DNAH12: variants seen among roughly 807,000 people sequenced by gnomAD.
The protein encoded by DNAH12 is axonemal beta dynein heavy chain 12.
In DNAH12, 285 loss-of-function variants were observed where a neutral mutation model predicts 371.5. That is an observed-to-expected ratio of 0.77 (90% CI 0.70 to 0.85). DNAH12 has a LOEUF of 0.85. Ranked by LOEUF, DNAH12 falls within the 40% of genes least tolerant of loss-of-function variation. The pLI, the probability that DNAH12 is intolerant of heterozygous loss-of-function variation, is 0.00. For missense variants in DNAH12, 3,611 were observed against 3,689.4 expected (o/e 0.98, Z 0.55); for synonymous variants, 1,200 against 1,213.0 (o/e 0.99, Z 0.22).
intron 40 of DNAH12, among the ~76,000 whole-genome samples, chr3:57,406,872 T>A (rs146669033): frequency 1.3e-5 from 2 of 152,170 alleles, no homozygotes; most frequent in Non-Finnish European, 2.9e-5. Context: ...AAGCCTTTTA[T>A]AATATAGTCA....
rs2063262720 is a variant in DNAH12 at position 57,375,424 on chromosome 3, T to C, written c.8706A>G (p.Pro2902=). The change falls in exon 55 of 74, where the codon CCA becomes CCG. Residue 2902 remains proline (P), a synonymous_variant. Transcript: ENST00000495027. ...CGTTATCTATGGAAAATGTATCTGT[T>C]GGTAAACCAGCAATATTCCAAGCTC... ...KIRAWNIAGL[P]TDTFSIDNGV... is the part of the protein sequence containing the mutation. 6.6e-6 allele frequency: 1 copy of C among 152,178 alleles called. No individual in the cohort carries two copies. The highest frequency in any genetic ancestry group is 1.5e-5 in the Non-Finnish European group (1 of 68,002). The allele number at this position is 152,178 out of a possible 1,614,324, so 9.4% of individuals were successfully genotyped here. A position where few individuals can be genotyped will look rare whatever the true frequency, so the allele number is the denominator to read the frequency against.
intron 62 of DNAH12, among the ~76,000 whole-genome samples, chr3:57,333,961 T>C (rs922997356): frequency 6.6e-6 from 1 of 152,078 alleles, no homozygotes; most frequent in Non-Finnish European, 1.5e-5. Flanking sequence ...TTCAACTATT[T>C]AAAAGAAAAT....
At chr3:57,530,339 G>T in intron 2 of DNAH12, 1 of 453,678 alleles carries the variant, frequency 2.2e-6, no homozygotes, top group South Asian at 3.9e-5. Context: ...CAGAAAGGAT[G>T]AGGATTTATT....
In DNAH12 at chr3:57,363,641, A is replaced by T. The variant is rs1446307541; in HGVS notation, c.9313T>A (p.Leu3105Ile). 1 of 152,084 alleles carries T rather than the reference A, an allele frequency of 6.6e-6. No individual in the cohort carries two copies. The highest frequency in any genetic ancestry group is 1.5e-5 in the Non-Finnish European group (1 of 67,978). 9.4% of individuals were successfully genotyped at this position (152,084 alleles called of 1,614,324 possible). Reference protein sequence around the residue: ...ILEDESAIKVLDSAKMMSNEI... With the variant: ...ILEDESAIKVIDSAKMMSNEI... ...TTGGACATCATTTTGGCAGAGTCTAAGACTTTAATTGCACTTTCATCTTCT... is the reference window on the plus strand; with the variant it reads ...TTGGACATCATTTTGGCAGAGTCTATGACTTTAATTGCACTTTCATCTTCT... Residue 3105 changes from leucine (L) to isoleucine (I), a missense_variant, in exon 58 of 74, where the codon TTA becomes ATA. By Grantham distance (5) the Leu-to-Ile change is conservative. Transcript: ENST00000495027.
intron 13 of DNAH12, among the ~76,000 whole-genome samples, chr3:57,478,129 C>CTA (rs902806888): frequency 6.6e-6 from 1 of 151,990 alleles, no homozygotes; most frequent in African/African-American, 2.4e-5. Flanking sequence ...CTACTTTGAG[C>CTA]TAAAGGAGGA....
At chr3:57,353,360 A>T (rs936799015) in intron 59 of DNAH12, among the ~76,000 whole-genome samples, 102,228 of 151,424 alleles carry the variant, frequency 0.68, 35,327 homozygotes, top group Non-Finnish European at 0.77. Context: ...TGGCATGATC[A>T]CAGCTCATTA....
intron 58 of DNAH12, among the ~76,000 whole-genome samples, chr3:57,359,351 G>A (rs984338487): frequency 1.1e-3 from 171 of 151,610 alleles, no homozygotes; most frequent in Admixed American, 3.3e-3. Flanking sequence ...TCTGAGGTCC[G>A]GAGTTCGAGA....
At chr3:57,360,684 TAAC>T (rs1158640870) in intron 58 of DNAH12, among the ~76,000 whole-genome samples, 112,230 of 151,106 alleles carry the variant, frequency 0.74, 42,300 homozygotes, top group African/African-American at 0.85. Context: ...CGAAACTCTG[TAAC>T]AACAACAACA....
At position 57,489,528 on chromosome 3, in the gene DNAH12, A is replaced by G; in HGVS notation, c.1495T>C (p.Tyr499His). The change falls in exon 12 of 74, where the codon TAT becomes CAT. Residue 499 changes from tyrosine to histidine, a missense_variant. By Grantham distance (83) the Tyr-to-His change is moderately conservative. Coordinates refer to ENST00000495027, the MANE Select transcript of DNAH12 (RefSeq NM_001366028.2). The stretch of plus-strand genomic sequence containing the variant: ...ACTTACCATTCATTTTCTTTTCTAT[A>G]TTTTGAAGCTATGTCATTTAATAAT... ...NILLNDIASK[Y>H]RKENECICSE... The G allele has an allele frequency of 6.6e-7, 1 of 1,514,412 alleles. No homozygotes were observed. Among genetic ancestry groups the G allele is most frequent in the Non-Finnish European group, 8.8e-7 (1 of 1,137,004 alleles). The allele number at this position is 1,514,412 out of a possible 1,614,324, so 93.8% of individuals were successfully genotyped here.
Position 57,498,515 on chromosome 3 carries a change from C to T in DNAH12, c.1335+2806G>A, listed in dbSNP as rs1237532539. 5.6e-6 allele frequency: 4 copies of T among 716,288 alleles called. No homozygotes were observed. The East Asian group carries it at 1.1e-4, about 19-fold the overall frequency. The allele number at this position is 716,288 out of a possible 1,614,324, so 44.4% of individuals were successfully genotyped here. A position where few individuals can be genotyped will look rare whatever the true frequency, so the allele number is the denominator to read the frequency against. On this transcript the variant is annotated intron_variant, in intron 11 of 73. Coordinates refer to ENST00000495027, the MANE Select transcript of DNAH12 (RefSeq NM_001366028.2). ...TCTTAAAAAGTTAAAAATACACTTC[C>T]CATACCACCCAGCAATCCAGCTCCT...
chr3:57,453,413 A>T lies in DNAH12; in HGVS notation c.3457-10T>A. On this transcript the variant is annotated splice_polypyrimidine_tract_variant and intron_variant, in intron 23 of 73. Transcript: ENST00000495027. ...AATACTTCTTTAATCCCTACAAAAT[A>T]AAAAAAAAAGCAATCTAATTGATGT... 2 of 1,162,492 alleles carry T rather than the reference A, an allele frequency of 1.7e-6. No homozygotes were observed. Among genetic ancestry groups the T allele is most frequent in the Non-Finnish European group, 2.3e-6 (2 of 880,502 alleles). The allele number at this position is 1,162,492 out of a possible 1,614,324, so 72.0% of individuals were successfully genotyped here.
rs1007732930 is a variant in DNAH12, at chr3:57,383,575, G to C, written c.7861-1182C>G. The stretch of plus-strand genomic sequence containing the variant: ...ATGCAGAAAGATCACAGGGTAATAA[G>C]TGACTCTTAAATGTGCCAGAAATTA... On this transcript the variant is annotated intron_variant, in intron 49 of 73. Transcript: ENST00000495027. Among the ~76,000 whole-genome samples the C allele has an allele frequency of 5.9e-4, 88 of 148,482 alleles. No individual in the cohort carries two copies. The Middle Eastern group carries it at 0.028, about 47-fold the overall frequency.
At chr3:57,399,200 G>A (rs1284616921) in intron 43 of DNAH12, among the ~76,000 whole-genome samples, 3 of 151,844 alleles carry the variant, frequency 2.0e-5, no homozygotes, top group African/African-American at 7.3e-5. Context: ...AGGGAATAAA[G>A]AATGCCCCTA....
At chr3:57,308,809 C>G (rs2061525518) in intron 69 of DNAH12, among the ~76,000 whole-genome samples, 1 of 152,186 alleles carries the variant, frequency 6.6e-6, no homozygotes, top group Non-Finnish European at 1.5e-5. Flanking sequence ...ATTCTTAGTC[C>G]TTTAATACCT....
Position 57,326,864 on chromosome 3 carries a change from G to C in DNAH12, c.9979-3245C>G, listed in dbSNP as rs2061960895. 3.3e-5 allele frequency among the ~76,000 whole-genome samples: 5 copies of C among 152,272 alleles called. No individual in the cohort carries two copies. The South Asian group carries it at 1.0e-3, about 32-fold the overall frequency. The stretch of plus-strand genomic sequence containing the variant: ...GGCTCAAAATAAAAGGATGGAGGAA[G>C]ATCTGCCAAGCAAATGGAAAACAAA... On this transcript the variant is annotated intron_variant, in intron 62 of 73. Coordinates refer to ENST00000495027, the MANE Select transcript of DNAH12 (RefSeq NM_001366028.2).
chr3:57,320,311 G>T (rs1317611890), intron 65 of DNAH12, among the ~76,000 whole-genome samples: 1 of 152,098 alleles, frequency 6.6e-6, no homozygotes, highest in African/African-American at 2.4e-5. Flanking sequence ...CTTGCACCTA[G>T]TAGGTACTCA....
At chr3:57,388,188 C>G (rs972864621) in intron 45 of DNAH12, among the ~76,000 whole-genome samples, 7 of 152,150 alleles carry the variant, frequency 4.6e-5, no homozygotes, top group Admixed American at 3.3e-4. Flanking sequence ...GAACCCTCTT[C>G]CCTCAGACCT....
chr3:57,443,561 T>G (rs1035737093), intron 29 of DNAH12, among the ~76,000 whole-genome samples: 3 of 152,198 alleles, frequency 2.0e-5, no homozygotes, highest in African/African-American at 7.2e-5. Flanking sequence ...TTTTAAATTT[T>G]TAATTGACAA....
Position 57,461,669 on chromosome 3 carries a change from G to C in DNAH12, c.2556C>G (p.Ala852=), listed in dbSNP as rs1228704009. 1 of 1,550,666 alleles carries C rather than the reference G, an allele frequency of 6.4e-7. No homozygotes were observed. The highest frequency in any genetic ancestry group is 8.7e-7 in the Non-Finnish European group (1 of 1,146,708). Residue 852 remains alanine (A), a synonymous_variant, in exon 19 of 74, where the codon GCC becomes GCG. Transcript: ENST00000495027. ...CCCAAGTTCCTATCATTGTATTCATGGCTTTCTCTAATGAAAATTCCTAAA... is the reference window on the plus strand; with the variant it reads ...CCCAAGTTCCTATCATTGTATTCATCGCTTTCTCTAATGAAAATTCCTAAA... ...GASKEFSLEK[A]MNTMIGTWED... is the part of the protein sequence containing the mutation.
Sources: gnomAD v4.1 joint callset for allele counts (sites outside exome capture counted in the v4.1 genomes callset) on GRCh38, gnomAD v4.1.1 for gene constraint, MANE v1.5 for transcripts, NCBI Gene and HGNC (gene_info 2026-07-23, HGNC 2026-07-21) for gene names.